AFG2A: variants seen among roughly 807,000 people sequenced by gnomAD.
AFG2A encodes the protein ATPase family gene 2 protein homolog A.
At chr4:123,114,050 A>G in the AFG2A span, among the ~76,000 whole-genome samples, 11 of 151,398 alleles carry the variant, frequency 7.3e-5, no homozygotes, top group African/African-American at 1.9e-4. Context: ...GAGGCCCTGA[A>G]GAGGGTAGAC....
the AFG2A span, among the ~76,000 whole-genome samples, chr4:123,017,005 G>A: frequency 6.6e-6 from 1 of 152,126 alleles, no homozygotes; most frequent in Non-Finnish European, 1.5e-5. Context: ...GCCTGCAATC[G>A]CAGGCCCTCG....
the AFG2A span, among the ~76,000 whole-genome samples, chr4:123,086,569 G>T: frequency 1.3e-5 from 2 of 152,140 alleles, no homozygotes; most frequent in African/African-American, 4.8e-5. Flanking sequence ...CATTAATTTG[G>T]GGAAATTCTC....
the AFG2A span, among the ~76,000 whole-genome samples, chr4:123,206,395 T>C: frequency 6.6e-6 from 1 of 152,266 alleles, no homozygotes; most frequent in African/African-American, 2.4e-5. Context: ...CCGATTTTTA[T>C]TTCCTGGTTT....
the AFG2A span, among the ~76,000 whole-genome samples, chr4:122,941,058 A>T: frequency 6.7e-6 from 1 of 150,072 alleles, no homozygotes; most frequent in Non-Finnish European, 1.5e-5. Context: ...GTTTGAAGTC[A>T]GGTAGCATGA....
chr4:123,106,824 C>T, the AFG2A span, among the ~76,000 whole-genome samples: 425 of 152,356 alleles, frequency 2.8e-3, 1 homozygote, highest in African/African-American at 1.0e-2. Flanking sequence ...GCACTCTGCT[C>T]GTGCTACTGG....
the AFG2A span, among the ~76,000 whole-genome samples, chr4:122,925,106 C>T: frequency 1.3e-5 from 2 of 152,034 alleles, no homozygotes; most frequent in Admixed American, 1.3e-4. Context: ...TTTCCCGCTG[C>T]AAAATTCAGA....
chr4:122,962,895 C>A, the AFG2A span, among the ~76,000 whole-genome samples: 1 of 152,186 alleles, frequency 6.6e-6, no homozygotes, highest in African/African-American at 2.4e-5. Context: ...ATACCTTCTT[C>A]CTGCCTACTG....
At chr4:123,094,388 G>A in the AFG2A span, among the ~76,000 whole-genome samples, 2 of 152,124 alleles carry the variant, frequency 1.3e-5, no homozygotes, top group African/African-American at 4.8e-5. Flanking sequence ...TTTGGCCGGG[G>A]AACGTGTAAG....
chr4:123,248,812 CA>C, the AFG2A span, among the ~76,000 whole-genome samples: 2 of 152,112 alleles, frequency 1.3e-5, no homozygotes, highest in Non-Finnish European at 2.9e-5. Flanking sequence ...TCCATTTATT[CA>C]AAGAACATTA....
the AFG2A span, chr4:123,090,510 T>TA: frequency 6.4e-7 from 1 of 1,557,510 alleles, no homozygotes; most frequent in Non-Finnish European, 8.7e-7. Flanking sequence ...ATAGAACCTT[T>TA]AAAAATTAAT....
the AFG2A span, among the ~76,000 whole-genome samples, chr4:123,002,213 G>C: frequency 6.6e-6 from 1 of 151,894 alleles, no homozygotes; most frequent in Non-Finnish European, 1.5e-5. Flanking sequence ...CATGTGAGAT[G>C]GGTTTCCTGA....
At chr4:122,995,227 T>A in the AFG2A span, among the ~76,000 whole-genome samples, 15 of 152,234 alleles carry the variant, frequency 9.9e-5, no homozygotes, top group East Asian at 2.9e-3. Flanking sequence ...AATAAAAGAT[T>A]GCTTTTTTTG....
At chr4:123,031,615 G>GTTCT in the AFG2A span, among the ~76,000 whole-genome samples, 1 of 152,178 alleles carries the variant, frequency 6.6e-6, no homozygotes, top group East Asian at 1.9e-4. Flanking sequence ...AAAGTGATCA[G>GTTCT]AAAAAGTAGA....
At chr4:122,935,943 A>G in the AFG2A span, 20 of 1,336,902 alleles carry the variant, frequency 1.5e-5, no homozygotes, top group Non-Finnish European at 1.9e-5. Context: ...TATTTTGTAC[A>G]CTGAAATATT....
the AFG2A span, among the ~76,000 whole-genome samples, chr4:122,939,054 C>T: frequency 3.6e-3 from 524 of 146,474 alleles, 3 homozygotes; most frequent in African/African-American, 0.012. Context: ...ACCAGATTCT[C>T]TCATAGGGGA....
chr4:123,144,193 C>T, the AFG2A span, among the ~76,000 whole-genome samples: 1 of 152,148 alleles, frequency 6.6e-6, no homozygotes, highest in South Asian at 2.1e-4. Flanking sequence ...CATTTTCTTT[C>T]TGTTATACTG....
chr4:123,081,974 T>C, the AFG2A span, among the ~76,000 whole-genome samples: 1 of 152,186 alleles, frequency 6.6e-6, no homozygotes, highest in African/African-American at 2.4e-5. Flanking sequence ...GCCTATTTTT[T>C]AATCTGCTTG....
chr4:123,046,555 T>C, the AFG2A span, among the ~76,000 whole-genome samples: 10 of 152,180 alleles, frequency 6.6e-5, no homozygotes, highest in African/African-American at 2.4e-4. Context: ...ACATGTGATA[T>C]TTTGATGTGT....
At chr4:123,112,522 T>C in the AFG2A span, among the ~76,000 whole-genome samples, 4 of 152,204 alleles carry the variant, frequency 2.6e-5, no homozygotes, top group Non-Finnish European at 5.9e-5. Flanking sequence ...CATATCACAT[T>C]TGAGTCTTTT....
Sources: gnomAD v4.1 joint callset for allele counts (sites outside exome capture counted in the v4.1 genomes callset) on GRCh38, gnomAD v4.1.1 for gene constraint, MANE v1.5 for transcripts, NCBI Gene and HGNC (gene_info 2026-07-23, HGNC 2026-07-21) for gene names.